PPP3CA: variants seen among roughly 807,000 people sequenced by gnomAD.
The protein encoded by PPP3CA is CAM-PRP catalytic subunit.
PPP3CA carries 14 observed loss-of-function variants against 66.5 expected under a neutral mutation model. The ratio of observed to expected loss-of-function variants is 0.21; its 90% CI spans 0.14 to 0.33. PPP3CA has a LOEUF of 0.33. PPP3CA is among the 10% of genes least tolerant of loss of function. The pLI is 1.00. For synonymous variants in PPP3CA, 232 were observed against 226.2 expected, an observed-to-expected ratio of 1.03 and a Z score of -0.23; for missense variants, 317 against 639.5, an observed-to-expected ratio of 0.50 and a Z score of 5.44.
intron 13 of PPP3CA, among the ~76,000 whole-genome samples, chr4:101,027,580 A>C (rs550274582): frequency 1.3e-5 from 2 of 152,290 alleles, no homozygotes; most frequent in East Asian, 3.9e-4. Flanking sequence ...CCACCCTGAA[A>C]ACTAACTCAA....
intron 2 of PPP3CA, among the ~76,000 whole-genome samples, chr4:101,188,860 T>C (rs1004359464): frequency 6.6e-6 from 1 of 152,134 alleles, no homozygotes; most frequent in Non-Finnish European, 1.5e-5. Context: ...TCTCAGGTAA[T>C]ATATTTTCCA....
intron 1 of PPP3CA, among the ~76,000 whole-genome samples, chr4:101,238,599 C>T (rs1726201148): frequency 6.6e-6 from 1 of 151,952 alleles, no homozygotes. Context: ...ATACAAAGTA[C>T]TAAAATCCCC....
intron 2 of PPP3CA, among the ~76,000 whole-genome samples, chr4:101,161,041 A>G (rs996896390): frequency 1.3e-5 from 2 of 152,134 alleles, no homozygotes; most frequent in African/African-American, 4.8e-5. Flanking sequence ...TTATAACATC[A>G]TATTTTTACT....
intron 1 of PPP3CA, among the ~76,000 whole-genome samples, chr4:101,266,518 G>A (rs1560688852): frequency 6.6e-6 from 1 of 152,072 alleles, no homozygotes; most frequent in African/African-American, 2.4e-5. Context: ...AAATCACAGT[G>A]TTATTCAGTC....
intron 8 of PPP3CA, among the ~76,000 whole-genome samples, chr4:101,063,692 C>G (rs1291283836): frequency 6.6e-6 from 1 of 151,878 alleles, no homozygotes; most frequent in Non-Finnish European, 1.5e-5. Flanking sequence ...TCTGATGACA[C>G]TAATAAAAGT....
intron 6 of PPP3CA, among the ~76,000 whole-genome samples, chr4:101,092,077 G>A (rs1347979119): frequency 6.6e-6 from 1 of 151,996 alleles, no homozygotes; most frequent in Non-Finnish European, 1.5e-5. Flanking sequence ...AAGACAGTGA[G>A]GTCATGCAGA....
intron 2 of PPP3CA, among the ~76,000 whole-genome samples, chr4:101,186,991 G>A (rs1429089943): frequency 1.3e-5 from 2 of 152,156 alleles, no homozygotes; most frequent in Admixed American, 6.6e-5. Flanking sequence ...CTTTCTGAGT[G>A]ACAGGCATGA....
At chr4:101,161,694 A>G (rs902253587) in intron 2 of PPP3CA, among the ~76,000 whole-genome samples, 1 of 152,172 alleles carries the variant, frequency 6.6e-6, no homozygotes, top group Non-Finnish European at 1.5e-5. Context: ...TTGGTAAACA[A>G]TTCTGAACAA....
At chr4:101,251,165 A>G (rs775384248) in intron 1 of PPP3CA, among the ~76,000 whole-genome samples, 3 of 152,096 alleles carry the variant, frequency 2.0e-5, no homozygotes, top group Non-Finnish European at 4.4e-5. Context: ...TCATAAAATT[A>G]TATCATATGA....
intron 1 of PPP3CA, among the ~76,000 whole-genome samples, chr4:101,333,270 G>GTTTTTTTTTTTTTTTTTTTTTTTTTTT (rs70961788): frequency 4.2e-5 from 2 of 47,242 alleles, no homozygotes; most frequent in African/African-American, 1.3e-4. Flanking sequence ...ACCATGCCCA[G>GTTTTTTTTTTTTTTTTTTTTTTTTTTT]TTTTTTTTTT....
chr4:101,113,683 G>A (rs73833216), intron 2 of PPP3CA, among the ~76,000 whole-genome samples: 14,137 of 151,984 alleles, frequency 0.093, 1,231 homozygotes, highest in East Asian at 0.32. Flanking sequence ...GGAAGAAAGT[G>A]GTCAACATAC....
intron 3 of PPP3CA, among the ~76,000 whole-genome samples, chr4:101,103,452 G>T (rs1001979556): frequency 1.3e-5 from 2 of 152,176 alleles, no homozygotes; most frequent in African/African-American, 4.8e-5. Context: ...CAGTGGAAGA[G>T]CAATGCACTA....
chr4:101,110,546 G>A (rs964757008), intron 2 of PPP3CA, among the ~76,000 whole-genome samples: 1 of 152,064 alleles, frequency 6.6e-6, no homozygotes, highest in Non-Finnish European at 1.5e-5. Flanking sequence ...TACTACTAAT[G>A]CATCCCTTTG....
intron 1 of PPP3CA, among the ~76,000 whole-genome samples, chr4:101,198,379 C>T (rs946752720): frequency 5.9e-5 from 9 of 152,134 alleles, no homozygotes; most frequent in African/African-American, 4.8e-5. Context: ...GACCATGAGT[C>T]AAGATATGGG....
chr4:101,265,967 G>C (rs946316159), intron 1 of PPP3CA, among the ~76,000 whole-genome samples: 8 of 152,154 alleles, frequency 5.3e-5, no homozygotes, highest in African/African-American at 1.9e-4. Flanking sequence ...ATAGCATACA[G>C]AGGGATTATG....
chr4:101,138,771 TA>T (rs1311915720), intron 2 of PPP3CA, among the ~76,000 whole-genome samples: 1 of 152,204 alleles, frequency 6.6e-6, no homozygotes, highest in Non-Finnish European at 1.5e-5. Context: ...TATACTGATA[TA>T]ATACATGAGT....
chr4:101,057,455 A>T (rs1429041105), intron 10 of PPP3CA, among the ~76,000 whole-genome samples: 1 of 152,214 alleles, frequency 6.6e-6, no homozygotes, highest in Non-Finnish European at 1.5e-5. Context: ...TTTAGAAGTC[A>T]CAGTTACAAA....
intron 1 of PPP3CA, among the ~76,000 whole-genome samples, chr4:101,318,616 A>G (rs1560715002): frequency 6.6e-6 from 1 of 152,172 alleles, no homozygotes; most frequent in South Asian, 2.1e-4. Context: ...TATATAGTAC[A>G]AGCATAAAAG....
chr4:101,285,532 G>C (rs1211444215), intron 1 of PPP3CA, among the ~76,000 whole-genome samples: 1 of 151,672 alleles, frequency 6.6e-6, no homozygotes, highest in Non-Finnish European at 1.5e-5. Context: ...CTGAAACAAA[G>C]AGATACATTT....
Sources: gnomAD v4.1 joint callset for allele counts (sites outside exome capture counted in the v4.1 genomes callset) on GRCh38, gnomAD v4.1.1 for gene constraint, MANE v1.5 for transcripts, NCBI Gene and HGNC (gene_info 2026-07-23, HGNC 2026-07-21) for gene names.